Variants in USF1 observed in about 807,000 individuals in gnomAD.
USF1 encodes upstream stimulatory factor 1.
USF1 carries 22 observed loss-of-function variants against 46.3 expected under a neutral mutation model. The ratio of observed to expected loss-of-function variants is 0.47; its 90% CI spans 0.34 to 0.68. The LOEUF is 0.68. Among genes scored for constraint, USF1 ranks in the 30% least tolerant of loss-of-function variants. The pLI, the probability that USF1 is intolerant of heterozygous loss-of-function variation, is 0.01. For missense variants in USF1, 287 were observed against 399.3 expected (o/e 0.72, Z 2.40); for synonymous variants, 150 against 147.0 (o/e 1.02, Z -0.15).
chr1:161,042,758 A>G (rs1571050258), intron 3 of USF1, 75 bp downstream of exon 3: 3 of 1,611,876 alleles, frequency 1.9e-6, no homozygotes, highest in Non-Finnish European at 1.7e-6. Flanking sequence ...AGGAGGATGC[A>G]CAGGAGATGG....
Position 161,040,280 on chromosome 1 carries a change from C to T in USF1, c.765G>A (p.Arg255=), listed in dbSNP as rs752694761. The change falls in exon 10 of 11, where the codon CGG becomes CGA. Residue 255 remains arginine (R), a synonymous_variant. Coordinates refer to ENST00000368021, the MANE Select transcript of USF1 (RefSeq NM_007122.5). The surrounding 1 kb of genome is among the most constrained non-coding windows in gnomAD (Gnocchi z 4.0). ...SKACDYIQEL[R]QSNHRLSEEL... The stretch of plus-strand genomic sequence containing the variant: ...CTTCAGACAAGCGGTGGTTACTCTG[C>T]CGAAGCTCCTGGATATAATCACAAG... 19 of 1,614,016 alleles carry T rather than the reference C, an allele frequency of 1.2e-5. No homozygotes were observed. Among genetic ancestry groups the T allele is most frequent in the Middle Eastern group, 1.6e-4 (1 of 6,084 alleles).
In USF1 at chr1:161,040,581, C is replaced by T; in HGVS notation, c.709G>A (p.Gly237Ser). ...PDCSMESTKS[G>S]QSKGGILSKA... ...TACCAGGGTCTTTCCATGACCTGGCCAGACTTGGTGCTCTCCATAGAGCAG... is the reference window on the plus strand; with the variant it reads ...TACCAGGGTCTTTCCATGACCTGGCTAGACTTGGTGCTCTCCATAGAGCAG... The change falls in exon 9 of 11, where the codon GGC (glycine) becomes AGC (serine). Residue 237 changes from glycine to serine, a missense_variant. Transcript: ENST00000368021. This position sits in a 1 kb window ranked among gnomAD's most constrained non-coding sequence, Gnocchi z 4.0. 6.2e-7 allele frequency: 1 copy of T among 1,612,422 alleles called. No individual in the cohort carries two copies. The highest frequency in any genetic ancestry group is 8.5e-7 in the Non-Finnish European group (1 of 1,179,690).
rs144100508 is a variant in USF1, at chr1:161,041,946, GGAGAGAGAGAGA to G, written c.277-112_277-101del. The G allele has an allele frequency of 8.2e-5, 100 of 1,222,318 alleles. No individual in the cohort carries two copies. The East Asian group carries it at 2.1e-3, about 25-fold the overall frequency. 75.7% of individuals were successfully genotyped at this position (1,222,318 alleles called of 1,614,324 possible). A position where few individuals can be genotyped will look rare whatever the true frequency, so the allele number is the denominator to read the frequency against. The stretch of plus-strand genomic sequence containing the variant: ...TATCCGTTGGGGTGGTAGGTAGGGT[GGAGAGAGAGAGA>G]GAGAGAGAGAGAAACATCCAGAAAA... On this transcript the variant is annotated intron_variant, in intron 5 of 10. Coordinates refer to ENST00000368021, the MANE Select transcript of USF1 (RefSeq NM_007122.5).
chr1:161,041,508 C>A, intron 6 of USF1, 97 bp from the exon 7 acceptor site: 2 of 1,492,490 alleles, frequency 1.3e-6, no homozygotes, highest in South Asian at 1.2e-5. Flanking sequence ...AAAGAACATG[C>A]TAATAGAAGA....
rs759422130 is a variant in USF1, at chr1:161,040,272, T to C, written c.773A>G (p.Asn258Ser). ...CDYIQELRQS[N>S]HRLSEELQGL... ...CTGCAGTTCTTCAGACAAGCGGTGG[T>C]TACTCTGCCGAAGCTCCTGGATATA... The change falls in exon 10 of 11, where the codon AAC (asparagine) becomes AGC (serine). Residue 258 changes from asparagine to serine, a missense_variant. By Grantham distance (46) the Asn-to-Ser change is conservative (BLOSUM62 1). Coordinates refer to ENST00000368021, the MANE Select transcript of USF1 (RefSeq NM_007122.5). This position sits in a 1 kb window ranked among gnomAD's most constrained non-coding sequence, Gnocchi z 4.0. 1.2e-6 allele frequency: 2 copies of C among 1,614,148 alleles called. No homozygotes were observed. The highest frequency in any genetic ancestry group is 1.7e-6 in the Non-Finnish European group (2 of 1,180,028).
intron 7 of USF1, 48 bp downstream of exon 7, chr1:161,041,261 CAAAAAAAAAAAAAAA>C: frequency 1.5e-6 from 1 of 664,488 alleles, no homozygotes; most frequent in South Asian, 2.0e-5. Flanking sequence ...GACTCTGTCT[CAAAAAAAAAAAAAAA>C]AAAAAAAAAC....
Position 161,040,359 on chromosome 1 carries a change from C to G in USF1, c.715-29G>C. The stretch of plus-strand genomic sequence containing the variant: ...CAAGATAAGGTCAACAAAATGAGAA[C>G]TAGGATTTCAGATACCCAGCTTGCT... On this transcript the variant is annotated intron_variant, in intron 9 of 10. Transcript: ENST00000368021. The surrounding 1 kb of genome is among the most constrained non-coding windows in gnomAD (Gnocchi z 4.0). The G allele has an allele frequency of 6.2e-7, 1 of 1,611,032 alleles. No individual in the cohort carries two copies. The highest frequency in any genetic ancestry group is 2.2e-5 in the East Asian group (1 of 44,806).
chr1:161,040,107 T>TG lies in USF1; in HGVS notation c.843+94dup, dbSNP rs1232298925. 6.2e-7 allele frequency: 1 copy of TG among 1,609,636 alleles called. No homozygotes were observed. The highest frequency in any genetic ancestry group is 8.5e-7 in the Non-Finnish European group (1 of 1,176,826). ...ACATCCACTGGTGAGGGGGAAAAGA[T>TG]GAAGCCTTCTCCATGGAGAACAAAG... On this transcript the variant is annotated intron_variant, in intron 10 of 10. Coordinates refer to ENST00000368021, the MANE Select transcript of USF1 (RefSeq NM_007122.5). The surrounding 1 kb of genome is among the most constrained non-coding windows in gnomAD (Gnocchi z 4.0).
chr1:161,042,203 C>G lies in USF1; in HGVS notation c.189G>C (p.Val63=). 2 of 1,613,764 alleles carry G rather than the reference C, an allele frequency of 1.2e-6. No homozygotes were observed. The highest frequency in any genetic ancestry group is 1.7e-6 in the Non-Finnish European group (2 of 1,179,832). The change falls in exon 5 of 11, where the codon GTG becomes GTC. Residue 63 remains valine, a synonymous_variant. Coordinates refer to ENST00000368021, the MANE Select transcript of USF1 (RefSeq NM_007122.5). ...TENGGQVMYR[V]IQVSEGQLDG... is the part of the protein sequence containing the mutation. ...CCAGCTGCCCCTCAGACACCTGGAT[C>G]ACCCTGTACATCACCTAGAAGTGTA...
At chr1:161,041,259 C>CT in intron 7 of USF1, 65 bp downstream of exon 7, 1 of 942,032 alleles carries the variant, frequency 1.1e-6, no homozygotes, top group Non-Finnish European at 1.4e-6. Flanking sequence ...AAGACTCTGT[C>CT]TCAAAAAAAA....
rs972655070 is a variant in USF1 at position 161,040,282 on chromosome 1, G to A, written c.763C>T (p.Arg255Trp). The A allele has an allele frequency of 2.5e-6, 4 of 1,613,986 alleles. No homozygotes were observed. Among genetic ancestry groups the A allele is most frequent in the African/African-American group, 2.7e-5 (2 of 74,868 alleles). The change falls in exon 10 of 11, where the codon CGG becomes TGG. Residue 255 changes from arginine to tryptophan, a missense_variant. Transcript: ENST00000368021. The surrounding 1 kb of genome is among the most constrained non-coding windows in gnomAD (Gnocchi z 4.0). ...SKACDYIQEL[R>W]QSNHRLSEEL... ...TCAGACAAGCGGTGGTTACTCTGCCGAAGCTCCTGGATATAATCACAAGCT... is the reference window on the plus strand; with the variant it reads ...TCAGACAAGCGGTGGTTACTCTGCCAAAGCTCCTGGATATAATCACAAGCT...
At chr1:161,044,635 G>T (rs1337261938) in intron 1 of USF1, among the ~76,000 whole-genome samples, 1 of 151,860 alleles carries the variant, frequency 6.6e-6, no homozygotes, top group Admixed American at 6.6e-5. Flanking sequence ...CAACACTGTT[G>T]CTAAAATGTT....
intron 3 of USF1, 80 bp downstream of exon 3, chr1:161,042,753 G>T: frequency 6.2e-7 from 1 of 1,610,596 alleles, no homozygotes; most frequent in South Asian, 1.1e-5. Context: ...GAAGGAGGAG[G>T]ATGCACAGGA....
intron 4 of USF1, 128 bp downstream of exon 4, chr1:161,042,427 C>T (rs779700138): frequency 9.0e-7 from 1 of 1,116,068 alleles, no homozygotes; most frequent in Admixed American, 2.1e-5. Flanking sequence ...GTATTAGCAC[C>T]TCCCTCCCCT....
Position 161,040,593 on chromosome 1 carries a change from T to C in USF1, c.697A>G (p.Ser233Gly). 1.2e-6 allele frequency: 2 copies of C among 1,612,432 alleles called. No homozygotes were observed. Among genetic ancestry groups the C allele is most frequent in the Non-Finnish European group, 1.7e-6 (2 of 1,179,742 alleles). The change falls in exon 9 of 11, where the codon AGC becomes GGC. Residue 233 changes from serine to glycine, a missense_variant. Ser to Gly is a moderately conservative substitution (Grantham distance 56). Coordinates refer to ENST00000368021, the MANE Select transcript of USF1 (RefSeq NM_007122.5). The surrounding 1 kb of genome is among the most constrained non-coding windows in gnomAD (Gnocchi z 4.0). ...SKIIPDCSMESTKSGQSKGGI... is the reference protein window; with the variant it reads ...SKIIPDCSMEGTKSGQSKGGI... ...TCCATGACCTGGCCAGACTTGGTGC[T>C]CTCCATAGAGCAGTCTGGGATTATC...
At chr1:161,044,496 G>C (rs1650715040) in intron 1 of USF1, among the ~76,000 whole-genome samples, 1 of 152,150 alleles carries the variant, frequency 6.6e-6, no homozygotes, top group South Asian at 2.1e-4. Context: ...CTTGGCATTT[G>C]GGCCCCATTC....
At chr1:161,043,407 T>C in intron 1 of USF1, 47 bp from the exon 2 acceptor site, 1 of 1,425,726 alleles carries the variant, frequency 7.0e-7, no homozygotes, top group South Asian at 1.2e-5. Flanking sequence ...AACAGAACAG[T>C]ATCTCTGGTT....
rs747789649 is a variant in USF1, at chr1:161,042,112, G to C, written c.276+4C>G. On this transcript the variant is annotated splice_donor_region_variant and intron_variant, in intron 5 of 10. Transcript: ENST00000368021. ...TAGTGACCTCCCCAGCCCATACCCT[G>C]TACCTGGGTCATGGATTGAGTGGCA... 6.2e-7 allele frequency: 1 copy of C among 1,612,262 alleles called. No individual in the cohort carries two copies. Among genetic ancestry groups the C allele is most frequent in the Admixed American group, 1.7e-5 (1 of 59,732 alleles).
Position 161,039,798 on chromosome 1 carries a change from C to T in USF1, c.*122G>A. 2 of 996,280 alleles carry T rather than the reference C, an allele frequency of 2.0e-6. No homozygotes were observed. The highest frequency in any genetic ancestry group is 2.5e-5 in the East Asian group (1 of 39,830). 61.7% of individuals were successfully genotyped at this position (996,280 alleles called of 1,614,324 possible). On this transcript the variant is annotated 3_prime_UTR_variant, in exon 11 of 11. Coordinates refer to ENST00000368021, the MANE Select transcript of USF1 (RefSeq NM_007122.5). ...CACAGGGCCTCAGTTCAAGGACACA[C>T]CTTCTGAACTTCCCCCTGTCCCATG... is the stretch of plus-strand genomic sequence containing the variant.
Sources: gnomAD v4.1 joint callset for allele counts (sites outside exome capture counted in the v4.1 genomes callset) on GRCh38, gnomAD v4.1.1 for gene constraint, Gnocchi (gnomAD v3.1) non-coding constraint, MANE v1.5 for transcripts, NCBI Gene and HGNC (gene_info 2026-07-23, HGNC 2026-07-21) for gene names.